SHISA9: variants seen among roughly 807,000 people sequenced by gnomAD.
SHISA9 encodes the protein protein shisa-9.
SHISA9 carries 13 observed loss-of-function variants against 38.0 expected under a neutral mutation model. The observed-to-expected ratio is 0.34, with a 90% CI of 0.22 to 0.54. SHISA9 has a LOEUF of 0.54. SHISA9 is among the 20% of genes least tolerant of loss of function. The probability of loss-of-function intolerance (pLI) is 0.91; values close to 1 mark genes in which losing one functional copy is unlikely to be tolerated. For synonymous variants in SHISA9, 275 were observed against 242.0 expected, an observed-to-expected ratio of 1.14 and a Z score of -1.27; for missense variants, 538 against 575.8, an observed-to-expected ratio of 0.93 and a Z score of 0.67.
At chr16:13,456,287 C>G in the SHISA9 span, among the ~76,000 whole-genome samples, 1 of 152,164 alleles carries the variant, frequency 6.6e-6, no homozygotes, top group East Asian at 1.9e-4. Flanking sequence ...GTTTCCCACT[C>G]GAATGCTAGC....
the SHISA9 span, among the ~76,000 whole-genome samples, chr16:13,310,962 G>A: frequency 2.0e-5 from 3 of 152,060 alleles, no homozygotes; most frequent in East Asian, 3.9e-4. Flanking sequence ...TATTACAGGC[G>A]TGAGCCACCA....
chr16:13,409,496 C>T, the SHISA9 span, among the ~76,000 whole-genome samples: 1 of 152,250 alleles, frequency 6.6e-6, no homozygotes, highest in Admixed American at 6.5e-5. Flanking sequence ...CCTCTGCATG[C>T]TCCACCTCCT....
the SHISA9 span, among the ~76,000 whole-genome samples, chr16:13,473,895 A>G: frequency 3.9e-5 from 6 of 152,196 alleles, no homozygotes; most frequent in Admixed American, 3.3e-4. Context: ...ATGCAACATC[A>G]TTCTTGCAAC....
At chr16:13,427,515 T>C in the SHISA9 span, among the ~76,000 whole-genome samples, 2 of 152,096 alleles carry the variant, frequency 1.3e-5, no homozygotes, top group Admixed American at 6.5e-5. Flanking sequence ...GGTGAAAGAT[T>C]TAAAAAAGAA....
At chr16:13,192,447 C>G (rs549603776) in intron 2 of SHISA9, among the ~76,000 whole-genome samples, 1 of 151,944 alleles carries the variant, frequency 6.6e-6, no homozygotes, top group Non-Finnish European at 1.5e-5. Flanking sequence ...AGCTGGGAAT[C>G]GTTAACCAAG....
At chr16:13,382,684 C>A in the SHISA9 span, among the ~76,000 whole-genome samples, 1 of 151,824 alleles carries the variant, frequency 6.6e-6, no homozygotes, top group African/African-American at 2.4e-5. Context: ...CATGGTGAAA[C>A]CCTGTCTGTA....
Position 13,016,570 on chromosome 16 carries a change from G to T in SHISA9, c.691+99755G>T, listed in dbSNP as rs1015621915. On this transcript the variant is annotated intron_variant, in intron 2 of 4. Coordinates refer to ENST00000558583, the MANE Select transcript of SHISA9 (RefSeq NM_001145204.3). ...AAGTTTTTGGTAGTGGTTTTTTGTTGTTGTTGTTGTTGTTGTTTTTTGCTG... is the reference window on the plus strand; with the variant it reads ...AAGTTTTTGGTAGTGGTTTTTTGTTTTTGTTGTTGTTGTTGTTTTTTGCTG... 2.6e-5 allele frequency among the ~76,000 whole-genome samples: 4 copies of T among 152,230 alleles called. No individual in the cohort carries two copies. In the East Asian group the frequency reaches 5.8e-4, roughly 22 times the overall value.
chr16:13,293,428 GC>G, the SHISA9 span, among the ~76,000 whole-genome samples: 2 of 152,174 alleles, frequency 1.3e-5, no homozygotes, highest in Non-Finnish European at 2.9e-5. Flanking sequence ...GTGGTTGAGA[GC>G]CCAGACTCAA....
the SHISA9 span, among the ~76,000 whole-genome samples, chr16:13,305,351 C>G: frequency 6.6e-6 from 1 of 152,306 alleles, no homozygotes; most frequent in Non-Finnish European, 1.5e-5. Flanking sequence ...GCTCAATTTT[C>G]CAATGACTGT....
At chr16:13,402,197 T>C in the SHISA9 span, among the ~76,000 whole-genome samples, 1 of 152,132 alleles carries the variant, frequency 6.6e-6, no homozygotes, top group Non-Finnish European at 1.5e-5. Flanking sequence ...GTTTGAGAAG[T>C]CCCACAACAT....
At chr16:13,107,413 C>T (rs554774825) in intron 2 of SHISA9, among the ~76,000 whole-genome samples, 6 of 149,808 alleles carry the variant, frequency 4.0e-5, no homozygotes, top group South Asian at 2.1e-4. Context: ...ACAGCTTGGG[C>T]GACAGAGAGA....
At chr16:13,240,511 A>G (rs563811645), downstream of SHISA9, 9 of 152,358 alleles carry the variant, frequency 5.9e-5, no homozygotes, top group African/African-American at 1.2e-4. Flanking sequence ...AATGAGGTCT[A>G]TAATACTCAG....
chr16:13,210,525 A>G lies in SHISA9; in HGVS notation c.848-2728A>G, dbSNP rs182660118. On this transcript the variant is annotated intron_variant, in intron 3 of 4. Coordinates refer to ENST00000558583, the MANE Select transcript of SHISA9 (RefSeq NM_001145204.3). ...GAATCACAAGGCATTTTCCAATAGC[A>G]CTTTTTGAAACAACAGCAACAATAC... 4.7e-3 allele frequency among the ~76,000 whole-genome samples: 722 copies of G among 152,340 alleles called. 4 individuals are homozygous for G. Among genetic ancestry groups the G allele is most frequent in the Non-Finnish European group, 7.4e-3 (500 of 68,024 alleles).
chr16:13,133,995 G>A lies in SHISA9; in HGVS notation c.692-69399G>A, dbSNP rs190221614. 3.0e-3 allele frequency among the ~76,000 whole-genome samples: 458 copies of A among 152,310 alleles called. 2 individuals are homozygous for A. The highest frequency in any genetic ancestry group is 4.9e-3 in the Non-Finnish European group (336 of 68,028). ...ATTTCCTACTGACAATGTACTCTATGCCTGCACTAGGAGCAGACTCTACAA... is the reference window on the plus strand; with the variant it reads ...ATTTCCTACTGACAATGTACTCTATACCTGCACTAGGAGCAGACTCTACAA... On this transcript the variant is annotated intron_variant, in intron 2 of 4. Coordinates refer to ENST00000558583, the MANE Select transcript of SHISA9 (RefSeq NM_001145204.3).
At chr16:13,324,932 C>T in the SHISA9 span, among the ~76,000 whole-genome samples, 1 of 152,196 alleles carries the variant, frequency 6.6e-6, no homozygotes, top group Non-Finnish European at 1.5e-5. Flanking sequence ...CAAAGTTTTC[C>T]TGATTGGATA....
At chr16:13,046,225 A>G (rs1396351551) in intron 2 of SHISA9, among the ~76,000 whole-genome samples, 2 of 152,156 alleles carry the variant, frequency 1.3e-5, no homozygotes, top group Admixed American at 1.3e-4. Flanking sequence ...TCATAGTTGT[A>G]TTTGAGCCAG....
intron 2 of SHISA9, among the ~76,000 whole-genome samples, chr16:12,993,076 G>A (rs2072409151): frequency 6.6e-6 from 1 of 152,186 alleles, no homozygotes; most frequent in South Asian, 2.1e-4. Context: ...TTTTTGGTGT[G>A]TATTTATACC....
chr16:12,923,960 A>C (rs1422286465), intron 2 of SHISA9, among the ~76,000 whole-genome samples: 1 of 152,154 alleles, frequency 6.6e-6, no homozygotes, highest in African/African-American at 2.4e-5. Flanking sequence ...CACAGTGAAT[A>C]TTTGAGTCTC....
At chr16:13,162,146 A>G (rs1011886243) in intron 2 of SHISA9, among the ~76,000 whole-genome samples, 7 of 152,308 alleles carry the variant, frequency 4.6e-5, no homozygotes, top group African/African-American at 7.2e-5. Context: ...TGTAAGACTT[A>G]GTAAAAGTAG....
Sources: gnomAD v4.1 joint callset for allele counts (sites outside exome capture counted in the v4.1 genomes callset) on GRCh38, gnomAD v4.1.1 for gene constraint, MANE v1.5 for transcripts, NCBI Gene and HGNC (gene_info 2026-07-23, HGNC 2026-07-21) for gene names.